The following ADK variants were observed in gnomAD, a reference collection of about 807,000 sequenced individuals.
ADK encodes adenosine kinase.
Under a neutral mutation model 44.7 loss-of-function variants are expected in ADK, and 24 were observed. The observed-to-expected ratio is 0.54, with a 90% confidence interval of 0.39 to 0.76. The LOEUF is 0.76. ADK is among the 30% of genes least tolerant of loss of function. The pLI, the probability that ADK is intolerant of heterozygous loss-of-function variation, is 0.00. For missense variants in ADK, 321 were observed against 425.1 expected, an observed-to-expected ratio of 0.76 and a Z score of 2.15; for synonymous variants, 128 against 142.6, an observed-to-expected ratio of 0.90 and a Z score of 0.73.
At chr10:74,520,165 A>G (rs1309098921) in intron 6 of ADK, among the ~76,000 whole-genome samples, 1 of 152,016 alleles carries the variant, frequency 6.6e-6, no homozygotes. Flanking sequence ...GTTGCTGACC[A>G]CCACTGCATA....
At chr10:74,275,342 G>A (rs1476682683) in intron 3 of ADK, among the ~76,000 whole-genome samples, 5 of 152,106 alleles carry the variant, frequency 3.3e-5, no homozygotes, top group Non-Finnish European at 7.4e-5. Flanking sequence ...GAGGGATCTT[G>A]ATTGTGAGGC....
At chr10:74,655,369 C>T (rs1317762107) in intron 9 of ADK, 1 of 411,590 alleles carries the variant, frequency 2.4e-6, no homozygotes. Flanking sequence ...ATATCGTCCA[C>T]ATCAAAAAAG....
intron 6 of ADK, among the ~76,000 whole-genome samples, chr10:74,454,406 A>G (rs1029141242): frequency 1.3e-5 from 2 of 152,188 alleles, no homozygotes; most frequent in Admixed American, 6.5e-5. Context: ...TAAAAAATAT[A>G]TAACAATAAT....
At chr10:74,414,612 T>C (rs1844304061) in intron 6 of ADK, among the ~76,000 whole-genome samples, 1 of 152,120 alleles carries the variant, frequency 6.6e-6, no homozygotes, top group Non-Finnish European at 1.5e-5. Context: ...GGCGCATGCC[T>C]GTAATCCCAG....
intron 1 of ADK, among the ~76,000 whole-genome samples, chr10:74,185,709 G>A (rs1842729112): frequency 6.6e-6 from 1 of 150,916 alleles, no homozygotes; most frequent in African/African-American, 2.4e-5. Flanking sequence ...GGTAGCGGGC[G>A]CCTGTAGTCC....
chr10:74,189,300 C>T (rs901807594), intron 1 of ADK, among the ~76,000 whole-genome samples: 6 of 152,030 alleles, frequency 3.9e-5, no homozygotes, highest in East Asian at 3.9e-4. Context: ...TCAGGGAATG[C>T]GTTGTTGACA....
chr10:74,329,301 T>C (rs1841136697), intron 4 of ADK, among the ~76,000 whole-genome samples: 1 of 152,174 alleles, frequency 6.6e-6, no homozygotes, highest in African/African-American at 2.4e-5. Flanking sequence ...TAGTCTAGAT[T>C]GTAACATACC....
At chr10:74,534,653 G>T (rs565085446) in intron 7 of ADK, among the ~76,000 whole-genome samples, 1 of 152,246 alleles carries the variant, frequency 6.6e-6, no homozygotes, top group South Asian at 2.1e-4. Context: ...TTGGCTCATG[G>T]AATATATTCT....
At position 74,277,381 on chromosome 10, in the gene ADK, CTTTTGTTTTG is replaced by C. The variant is rs560507426; in HGVS notation, c.195-37266_195-37257del. Among the ~76,000 whole-genome samples, 274 of 147,650 alleles carry C rather than the reference CTTTTGTTTTG, an allele frequency of 1.9e-3. 1 individual carries two copies. The highest frequency in any genetic ancestry group is 0.012 in the South Asian group (56 of 4,588). ...TTTCATTTTGAAGTGTTTTAAATTT[CTTTTGTTTTG>C]TTTTGTTTTGTTTTGTTTTTTTGAG... On this transcript the variant is annotated intron_variant, in intron 3 of 10. Coordinates refer to ENST00000539909, the MANE Select transcript of ADK (RefSeq NM_006721.4).
intron 7 of ADK, among the ~76,000 whole-genome samples, chr10:74,565,627 T>C (rs1850636145): frequency 6.7e-6 from 1 of 148,222 alleles, no homozygotes; most frequent in African/African-American, 2.5e-5. Flanking sequence ...CTGGGGAGGC[T>C]GAGGCAGGAG....
chr10:74,673,789 T>C (rs1426497870), intron 10 of ADK, among the ~76,000 whole-genome samples: 1 of 152,002 alleles, frequency 6.6e-6, no homozygotes, highest in Non-Finnish European at 1.5e-5. Context: ...TGCAGGGGAT[T>C]TTATTGCCGA....
chr10:74,280,496 T>G (rs1260282446), intron 3 of ADK, among the ~76,000 whole-genome samples: 2 of 151,710 alleles, frequency 1.3e-5, no homozygotes, highest in African/African-American at 4.8e-5. Flanking sequence ...GTGTCTAACT[T>G]CTGGCCTCAA....
At chr10:74,665,638 G>A (rs1239078930) in intron 9 of ADK, among the ~76,000 whole-genome samples, 2 of 152,064 alleles carry the variant, frequency 1.3e-5, no homozygotes, top group Non-Finnish European at 2.9e-5. Context: ...AGGAGGCTGA[G>A]GCAGGAGGAT....
intron 1 of ADK, among the ~76,000 whole-genome samples, chr10:74,197,029 A>G (rs573792863): frequency 1.7e-3 from 264 of 152,236 alleles, no homozygotes; most frequent in Middle Eastern, 3.4e-3. Flanking sequence ...ATTTATATCT[A>G]TTAGGGAAAA....
chr10:74,201,426 A>T (rs1216682914), intron 2 of ADK, among the ~76,000 whole-genome samples: 1 of 152,208 alleles, frequency 6.6e-6, no homozygotes, highest in Non-Finnish European at 1.5e-5. Flanking sequence ...CTGAGGTCTC[A>T]GTTACCCATA....
intron 1 of ADK, among the ~76,000 whole-genome samples, chr10:74,200,156 G>GTTTTTTTTTTTTTTTTT (rs760622376): frequency 7.1e-5 from 7 of 99,274 alleles, no homozygotes; most frequent in Admixed American, 4.4e-4. Flanking sequence ...GACACCATCT[G>GTTTTTTTTTTTTTTTTT]TTTTTTTTTT....
At chr10:74,243,287 A>G (rs1027926742) in intron 3 of ADK, among the ~76,000 whole-genome samples, 6 of 152,180 alleles carry the variant, frequency 3.9e-5, no homozygotes, top group Non-Finnish European at 7.4e-5. Context: ...CTCTCTTGCT[A>G]ACATGCTCCC....
chr10:74,269,297 C>T (rs991803623), intron 3 of ADK, among the ~76,000 whole-genome samples: 4 of 152,098 alleles, frequency 2.6e-5, no homozygotes, highest in African/African-American at 9.7e-5. Flanking sequence ...ATATGAAACT[C>T]TTGATAGTGA....
intron 7 of ADK, among the ~76,000 whole-genome samples, chr10:74,567,699 G>GTTTTTTTTTTTTTT (rs56042541): frequency 8.9e-6 from 1 of 112,384 alleles, no homozygotes; most frequent in Non-Finnish European, 1.7e-5. Context: ...TGTTTTTTTT[G>GTTTTTTTTTTTTTT]TTTTTTTTTT....
Sources: allele counts gnomAD v4.1 joint callset (sites outside exome capture counted in the v4.1 genomes callset), GRCh38; gene constraint gnomAD v4.1.1; transcripts MANE v1.5; gene names NCBI Gene and HGNC (gene_info 2026-07-23, HGNC 2026-07-21).